Variants in IL1RAPL2 observed in about 807,000 individuals in gnomAD.
The protein encoded by IL1RAPL2 is interleukin 1 receptor accessory protein like 2, also known as X-linked interleukin-1 receptor accessory protein-like 2.
A neutral mutation model predicts 44.1 loss-of-function variants in IL1RAPL2; 3 were observed. The observed-to-expected ratio is 0.07, with a 90% CI of 0.03 to 0.18. The LOEUF is 0.18. Ranked by LOEUF, IL1RAPL2 falls within the 10% of genes least tolerant of loss-of-function variation. The pLI is 1.00. For synonymous variants in IL1RAPL2, 181 were observed against 178.8 expected (o/e 1.01, Z -0.10); for missense variants, 391 against 496.4 (o/e 0.79, Z 2.02).
chrX:104,935,236 A>G (rs746136545), intron 2 of IL1RAPL2, among the ~76,000 whole-genome samples: 1 of 112,349 alleles, frequency 8.9e-6, no homozygotes, highest in South Asian at 3.7e-4. Flanking sequence ...TAATTTCATT[A>G]GTAAAAATTC....
chrX:104,943,955 A>T (rs1356893084), intron 2 of IL1RAPL2, among the ~76,000 whole-genome samples: 1 of 111,971 alleles, frequency 8.9e-6, no homozygotes, highest in Non-Finnish European at 1.9e-5. Context: ...ATACTATGTC[A>T]GGAAATAGTT....
At chrX:104,594,738 G>A (rs1447145991) in intron 1 of IL1RAPL2, among the ~76,000 whole-genome samples, 1 of 111,504 alleles carries the variant, frequency 9.0e-6, no homozygotes, top group Non-Finnish European at 1.9e-5. Flanking sequence ...AGTAATTGAG[G>A]AAGGCCTCTC....
chrX:105,417,341 C>T (rs193070741), intron 5 of IL1RAPL2, among the ~76,000 whole-genome samples: 3 of 111,847 alleles, frequency 2.7e-5, no homozygotes, highest in East Asian at 2.8e-4. Flanking sequence ...GGTGTGGTGG[C>T]GTGTGCCTGT....
At chrX:104,824,220 C>T (rs759424438) in intron 2 of IL1RAPL2, among the ~76,000 whole-genome samples, 2 of 112,245 alleles carry the variant, frequency 1.8e-5, no homozygotes, top group East Asian at 5.6e-4. Context: ...ATCAGCCTTG[C>T]ATCCCAGGGA....
intron 6 of IL1RAPL2, among the ~76,000 whole-genome samples, chrX:105,539,311 T>C (rs1466754092): frequency 9.0e-6 from 1 of 111,317 alleles, no homozygotes; most frequent in Non-Finnish European, 1.9e-5. Context: ...AAAAATAGGA[T>C]GGTATAGGTA....
chrX:105,136,943 A>G (rs2033081508), intron 2 of IL1RAPL2, among the ~76,000 whole-genome samples: 1 of 112,459 alleles, frequency 8.9e-6, no homozygotes, highest in Non-Finnish European at 1.9e-5. Flanking sequence ...AGATAAAGCT[A>G]TACAAATTCA....
intron 6 of IL1RAPL2, among the ~76,000 whole-genome samples, chrX:105,661,610 A>G (rs1390884368): frequency 8.9e-6 from 1 of 112,396 alleles, no homozygotes; most frequent in Non-Finnish European, 1.9e-5. Context: ...CTAGAAATCA[A>G]TAACAAGAGG....
chrX:104,947,943 A>G (rs1378615986), intron 2 of IL1RAPL2, among the ~76,000 whole-genome samples: 2 of 111,488 alleles, frequency 1.8e-5, no homozygotes, highest in African/African-American at 6.5e-5. Context: ...GTTTTTTCCA[A>G]TTCTGTGAAG....
intron 3 of IL1RAPL2, among the ~76,000 whole-genome samples, chrX:105,228,262 CAGTT>C (rs1556191637): frequency 8.9e-6 from 1 of 112,043 alleles, no homozygotes; most frequent in Non-Finnish European, 1.9e-5. Flanking sequence ...TCGAATAAAT[CAGTT>C]AGGAAAGTTT....
chrX:104,928,372 T>C (rs1223324407), intron 2 of IL1RAPL2, among the ~76,000 whole-genome samples: 1 of 111,279 alleles, frequency 9.0e-6, no homozygotes, highest in East Asian at 2.8e-4. Flanking sequence ...AGTCCCTCAT[T>C]ATCCTTCTTA....
chrX:105,465,685 G>A (rs1476633806), intron 5 of IL1RAPL2, among the ~76,000 whole-genome samples: 3 of 111,683 alleles, frequency 2.7e-5, no homozygotes, highest in Non-Finnish European at 3.8e-5. Context: ...TACTCAGGAA[G>A]CAAATTTAAG....
intron 2 of IL1RAPL2, among the ~76,000 whole-genome samples, chrX:104,665,789 G>A (rs947154596): frequency 1.8e-5 from 2 of 111,015 alleles, no homozygotes; most frequent in African/African-American, 3.3e-5. Context: ...TAAAACCAGT[G>A]CTCTGTTTAT....
rs191430879 is a variant in IL1RAPL2 at position 104,628,979 on chromosome X, A to G, written c.-19-29916A>G. On this transcript the variant is annotated intron_variant, in intron 1 of 10. Transcript: ENST00000372582. ...GGAATACTATACAACCATTAAAGAG[A>G]TGGAGATAGACGGGTATGGATAGAA... 2.8e-4 allele frequency among the ~76,000 whole-genome samples: 31 copies of G among 112,151 alleles called. 2 individuals carry two copies. In the East Asian group the frequency reaches 7.0e-3, roughly 25 times the overall value.
chrX:104,840,569 G>T (rs1461141225), intron 2 of IL1RAPL2, among the ~76,000 whole-genome samples: 1 of 110,278 alleles, frequency 9.1e-6, no homozygotes, highest in Non-Finnish European at 1.9e-5. Context: ...TTGTGTAGAT[G>T]TCTACTAGGC....
At chrX:105,677,491 T>G (rs895954530) in intron 6 of IL1RAPL2, among the ~76,000 whole-genome samples, 1 of 112,595 alleles carries the variant, frequency 8.9e-6, no homozygotes, top group African/African-American at 3.2e-5. Context: ...TTGCATTAAG[T>G]TGCAGACAAC....
chrX:105,515,740 G>C lies in IL1RAPL2; in HGVS notation c.772+31353G>C, dbSNP rs781771924. On this transcript the variant is annotated intron_variant, in intron 6 of 10. Transcript: ENST00000372582. The stretch of plus-strand genomic sequence containing the variant: ...GACTATCTTGACTAGGCAAAGATAG[G>C]GGTGTGGTGGGAAAGAAAACCACGA... Among the ~76,000 whole-genome samples the C allele has an allele frequency of 2.7e-5, 3 of 111,750 alleles. No individual in the cohort carries two copies. In the South Asian group the frequency reaches 1.1e-3, roughly 42 times the overall value.
At chrX:105,244,040 A>G (rs2034198738) in intron 4 of IL1RAPL2, among the ~76,000 whole-genome samples, 1 of 111,460 alleles carries the variant, frequency 9.0e-6, no homozygotes, top group Non-Finnish European at 1.9e-5. Flanking sequence ...CCTAGGTGAG[A>G]CTAATTTGGG....
intron 2 of IL1RAPL2, among the ~76,000 whole-genome samples, chrX:104,916,324 TG>T (rs920147035): frequency 1.8e-5 from 2 of 111,803 alleles, no homozygotes; most frequent in African/African-American, 6.5e-5. Context: ...TTATTCTCTT[TG>T]AAGCAATTGT....
chrX:104,896,904 T>C (rs763631108), intron 2 of IL1RAPL2, among the ~76,000 whole-genome samples: 2 of 111,006 alleles, frequency 1.8e-5, no homozygotes, highest in Non-Finnish European at 3.8e-5. Context: ...TGCCCCACCT[T>C]TAAGAGCTGT....
Sources: allele counts gnomAD v4.1 joint callset (sites outside exome capture counted in the v4.1 genomes callset), GRCh38; gene constraint gnomAD v4.1.1; transcripts MANE v1.5; gene names NCBI Gene and HGNC (gene_info 2026-07-23, HGNC 2026-07-21).